CYSLTR2: variants seen among roughly 807,000 people sequenced by gnomAD.
CYSLTR2 encodes G-protein coupled receptor GPCR21.
For missense variants in CYSLTR2, 398 were observed against 411.9 expected, an observed-to-expected ratio of 0.97 and a Z score of 0.29; for synonymous variants, 179 against 160.8, an observed-to-expected ratio of 1.11 and a Z score of -0.86.
chr13:48,703,719 G>C (rs1286105350), intron 4 of CYSLTR2, among the ~76,000 whole-genome samples: 4 of 152,026 alleles, frequency 2.6e-5, no homozygotes, highest in Non-Finnish European at 4.4e-5. Context: ...CCTCGTTTTG[G>C]TATCAGGGTA....
At chr13:48,678,022 C>A (rs1424199583) in intron 1 of CYSLTR2, among the ~76,000 whole-genome samples, 1 of 152,034 alleles carries the variant, frequency 6.6e-6, no homozygotes, top group Non-Finnish European at 1.5e-5. Context: ...CAGGCAAGCA[C>A]CACCACATTT....
chr13:48,706,962 T>C lies in CYSLTR2; in HGVS notation c.145T>C (p.Phe49Leu). 6.2e-7 allele frequency: 1 copy of C among 1,614,192 alleles called. No individual in the cohort carries two copies. Among genetic ancestry groups the C allele is most frequent in the Non-Finnish European group, 8.5e-7 (1 of 1,180,030 alleles). The change falls in exon 5 of 5, where the codon TTT becomes CTT. Residue 49 changes from phenylalanine (F) to leucine (L), a missense_variant. By Grantham distance (22) the Phe-to-Leu change is conservative (BLOSUM62 0). Transcript: ENST00000682523. ...EFFPIVYLIIFFWGVLGNGLS... is the reference protein window; with the variant it reads ...EFFPIVYLIILFWGVLGNGLS... ...TTTCCCAATTGTATATCTGATAATA[T>C]TTTTCTGGGGAGTCTTGGGAAATGG...
At chr13:48,703,417 A>C (rs1020195460) in intron 4 of CYSLTR2, among the ~76,000 whole-genome samples, 2 of 152,188 alleles carry the variant, frequency 1.3e-5, no homozygotes, top group African/African-American at 4.8e-5. Context: ...GGAGACACTC[A>C]GTCTTTTACT....
rs953056403 is a variant in CYSLTR2 at position 48,661,284 on chromosome 13, G to A, written c.-266+7267G>A. ...CCCCTTTTACTGATAAGGAGCTGAC[G>A]CCGAGGGAGATAAAGTCATTTTCCC... On this transcript the variant is annotated intron_variant, in intron 1 of 4. Coordinates refer to ENST00000682523, the MANE Select transcript of CYSLTR2 (RefSeq NM_001308476.3). 1.8e-4 allele frequency among the ~76,000 whole-genome samples: 27 copies of A among 151,972 alleles called. No individual in the cohort carries two copies. In the South Asian group the frequency reaches 2.1e-3, roughly 12 times the overall value.
At chr13:48,678,526 C>G (rs1953663014) in intron 1 of CYSLTR2, among the ~76,000 whole-genome samples, 2 of 152,090 alleles carry the variant, frequency 1.3e-5, no homozygotes, top group African/African-American at 4.8e-5. Flanking sequence ...CTGTGCGAGC[C>G]TCTCCACTCC....
chr13:48,692,666 A>G (rs1024505563), intron 2 of CYSLTR2, among the ~76,000 whole-genome samples: 2 of 151,286 alleles, frequency 1.3e-5, no homozygotes, highest in African/African-American at 4.8e-5. Flanking sequence ...GTTTCTCTGT[A>G]TTAAACATTT....
At chr13:48,679,320 CCTT>C in intron 1 of CYSLTR2, among the ~76,000 whole-genome samples, 1 of 152,090 alleles carries the variant, frequency 6.6e-6, no homozygotes, top group East Asian at 1.9e-4. Context: ...TTCTGTGGGC[CCTT>C]CTTCCTCATA....
chr13:48,689,163 G>T (rs1376307110), intron 1 of CYSLTR2, among the ~76,000 whole-genome samples: 1 of 152,066 alleles, frequency 6.6e-6, no homozygotes, highest in African/African-American at 2.4e-5. Flanking sequence ...TTAGCCCTTT[G>T]TCAGATGGAT....
chr13:48,706,479 G>A (rs192540396), intron 4 of CYSLTR2: 396 of 203,660 alleles, frequency 1.9e-3, no homozygotes, highest in Non-Finnish European at 2.9e-3. Context: ...AGTTTCTGAT[G>A]AGAAATCTGC....
At chr13:48,698,146 A>C (rs562497710) in intron 4 of CYSLTR2, among the ~76,000 whole-genome samples, 102 of 152,358 alleles carry the variant, frequency 6.7e-4, no homozygotes, top group African/African-American at 2.4e-3. Flanking sequence ...GCAGGCCAAC[A>C]TTGAAATTCA....
In CYSLTR2 at chr13:48,673,583, C is replaced by T. The variant is rs1468401466; in HGVS notation, c.-265-17629C>T. The stretch of plus-strand genomic sequence containing the variant: ...GGTCTTGACTCTTTATCCAATTTGC[C>T]AGTCTTTGTCTTTTAATTGGGGCAT... On this transcript the variant is annotated intron_variant, in intron 1 of 4. Coordinates refer to ENST00000682523, the MANE Select transcript of CYSLTR2 (RefSeq NM_001308476.3). Among the ~76,000 whole-genome samples, 6 of 151,832 alleles carry T rather than the reference C, an allele frequency of 4.0e-5. No individual in the cohort carries two copies. In the South Asian group the frequency reaches 8.3e-4, roughly 21 times the overall value.
At chr13:48,666,777 A>G (rs1475316750) in intron 1 of CYSLTR2, among the ~76,000 whole-genome samples, 1 of 151,488 alleles carries the variant, frequency 6.6e-6, no homozygotes, top group Non-Finnish European at 1.5e-5. Context: ...TTTTTTGTTG[A>G]ATTTCTCATT....
At chr13:48,660,815 A>G (rs981772350) in intron 1 of CYSLTR2, among the ~76,000 whole-genome samples, 1 of 152,214 alleles carries the variant, frequency 6.6e-6, no homozygotes, top group Non-Finnish European at 1.5e-5. Flanking sequence ...GGGTCTCAAG[A>G]GTAAACTCTC....
intron 1 of CYSLTR2, among the ~76,000 whole-genome samples, chr13:48,667,266 G>A (rs1341121138): frequency 1.3e-5 from 2 of 152,214 alleles, no homozygotes; most frequent in East Asian, 3.8e-4. Context: ...CTCAGGTAAA[G>A]GGAATGTGTG....
chr13:48,672,133 C>G (rs143749841), intron 1 of CYSLTR2, among the ~76,000 whole-genome samples: 3 of 152,224 alleles, frequency 2.0e-5, no homozygotes, highest in Non-Finnish European at 2.9e-5. Context: ...GTGATATCCT[C>G]TTTATCATTT....
intron 1 of CYSLTR2, among the ~76,000 whole-genome samples, chr13:48,657,488 A>AAGGAGGGAAGTAGAGGAGAGGGGAG (rs1953026688): frequency 6.6e-6 from 1 of 151,724 alleles, no homozygotes; most frequent in African/African-American, 2.4e-5. Flanking sequence ...AAAGGAGAGA[A>AAGGAGGGAAGTAGAGGAGAGGGGAG]AGGAGGGAAG....
Position 48,707,392 on chromosome 13 carries a change from T to A in CYSLTR2, c.575T>A (p.Leu192His), listed in dbSNP as rs1287871708. Residue 192 changes from leucine (L) to histidine (H), a missense_variant, in exon 5 of 5, where the codon CTC becomes CAC. Coordinates refer to ENST00000682523, the MANE Select transcript of CYSLTR2 (RefSeq NM_001308476.3). The part of the protein sequence containing the change: ...GSVTSCLELN[L>H]YKIAKLQTMN... Reference sequence around the variant, plus strand: ...GTCACATCATGCTTAGAGCTGAATCTCTATAAAATTGCTAAGCTGCAGACC... The same window carrying A: ...GTCACATCATGCTTAGAGCTGAATCACTATAAAATTGCTAAGCTGCAGACC... 2 of 1,614,046 alleles carry A rather than the reference T, an allele frequency of 1.2e-6. No homozygotes were observed. Among genetic ancestry groups the A allele is most frequent in the Non-Finnish European group, 1.7e-6 (2 of 1,180,038 alleles).
chr13:48,663,963 TTGTCACA>T (rs1953194716), intron 1 of CYSLTR2, among the ~76,000 whole-genome samples: 1 of 152,076 alleles, frequency 6.6e-6, no homozygotes, highest in Admixed American at 6.6e-5. Flanking sequence ...TGCTGTGAGT[TTGTCACA>T]TGTGGCCTTT....
intron 4 of CYSLTR2, among the ~76,000 whole-genome samples, chr13:48,701,627 A>G (rs1429370435): frequency 2.6e-5 from 4 of 152,254 alleles, no homozygotes; most frequent in African/African-American, 9.6e-5. Flanking sequence ...TCTCAAAAGA[A>G]GACATTTATG....
Sources: gnomAD v4.1 joint callset for allele counts (sites outside exome capture counted in the v4.1 genomes callset) on GRCh38, gnomAD v4.1.1 for gene constraint, MANE v1.5 for transcripts, NCBI Gene and HGNC (gene_info 2026-07-23, HGNC 2026-07-21) for gene names.